The following CIMAP2 variants were observed in gnomAD, a reference collection of about 807,000 sequenced individuals.
CIMAP2 encodes the protein ciliary microtubule-associated protein 2.
At chr1:54,816,899 G>T in the CIMAP2 span, 2 of 1,506,010 alleles carry the variant, frequency 1.3e-6, no homozygotes, top group Admixed American at 1.9e-5. Flanking sequence ...AACAGATGGA[G>T]TAGGGAAGCG....
At chr1:54,818,531 G>A in the CIMAP2 span, among the ~76,000 whole-genome samples, 4 of 151,954 alleles carry the variant, frequency 2.6e-5, no homozygotes, top group Middle Eastern at 3.4e-3. Context: ...GCTGTGGATT[G>A]CTCTTTTCTT....
the CIMAP2 span, chr1:54,814,851 C>T: frequency 6.2e-7 from 1 of 1,607,518 alleles, no homozygotes; most frequent in Admixed American, 1.7e-5. Flanking sequence ...CCTCACCTGC[C>T]CTGGGCCCAG....
At chr1:54,817,286 T>C in the CIMAP2 span, among the ~76,000 whole-genome samples, 2 of 152,234 alleles carry the variant, frequency 1.3e-5, no homozygotes, top group Admixed American at 6.5e-5. Flanking sequence ...GTTCAGATCC[T>C]GGCTCTGCCA....
the CIMAP2 span, among the ~76,000 whole-genome samples, chr1:54,821,180 G>A: frequency 0.1 from 15,526 of 148,490 alleles, 928 homozygotes; most frequent in Admixed American, 0.13. Context: ...TATTCTACAC[G>A]TTGTCTCTTC....
At chr1:54,808,101 C>G in the CIMAP2 span, 1 of 1,386,042 alleles carries the variant, frequency 7.2e-7, no homozygotes, top group Non-Finnish European at 9.6e-7. Context: ...TCCATCCAGC[C>G]AGCCAGCCAG....
At chr1:54,810,673 GA>G in the CIMAP2 span, among the ~76,000 whole-genome samples, 3 of 152,194 alleles carry the variant, frequency 2.0e-5, no homozygotes, top group Non-Finnish European at 2.9e-5. Flanking sequence ...AAAAGGTGCA[GA>G]GCAGCAGAAA....
chr1:54,809,014 G>A, the CIMAP2 span, among the ~76,000 whole-genome samples: 5 of 8,220 alleles, frequency 6.1e-4, no homozygotes, highest in South Asian at 9.2e-3. Context: ...CCCTGAGGGC[G>A]GACCACGTCT....
the CIMAP2 span, chr1:54,841,947 T>C: frequency 7.0e-7 from 1 of 1,438,708 alleles, no homozygotes; most frequent in Admixed American, 2.0e-5. Flanking sequence ...GGTGACAGCA[T>C]GGGCATGGGA....
At chr1:54,841,843 T>C in the CIMAP2 span, 3 of 1,553,928 alleles carry the variant, frequency 1.9e-6, no homozygotes, top group Admixed American at 5.9e-5. Flanking sequence ...GCCCTCCAAC[T>C]GTGGATTACA....
At chr1:54,823,112 T>G in the CIMAP2 span, among the ~76,000 whole-genome samples, 2 of 151,928 alleles carry the variant, frequency 1.3e-5, no homozygotes, top group Non-Finnish European at 2.9e-5. Flanking sequence ...GTAGATTAAG[T>G]CTCATTTTTT....
chr1:54,812,813 G>T, the CIMAP2 span, among the ~76,000 whole-genome samples: 1 of 152,252 alleles, frequency 6.6e-6, no homozygotes, highest in Non-Finnish European at 1.5e-5. Flanking sequence ...ACAGGGGAAA[G>T]CAGCCCTTGC....
the CIMAP2 span, among the ~76,000 whole-genome samples, chr1:54,836,992 C>G: frequency 6.6e-6 from 1 of 151,982 alleles, no homozygotes; most frequent in Admixed American, 6.5e-5. Context: ...TGGAAAATGC[C>G]ACTTGGAAGA....
the CIMAP2 span, among the ~76,000 whole-genome samples, chr1:54,813,001 C>A: frequency 6.6e-6 from 1 of 152,204 alleles, no homozygotes; most frequent in African/African-American, 2.4e-5. Context: ...AGGCCTTCGA[C>A]CTGGCTGCTC....
chr1:54,831,957 C>CT, the CIMAP2 span, among the ~76,000 whole-genome samples: 1 of 152,222 alleles, frequency 6.6e-6, no homozygotes, highest in Admixed American at 6.5e-5. Context: ...AGCAATCCTC[C>CT]CACCTCAGCC....
the CIMAP2 span, among the ~76,000 whole-genome samples, chr1:54,819,763 A>ACCCT: frequency 1.6e-5 from 2 of 122,054 alleles, no homozygotes; most frequent in Middle Eastern, 4.1e-3. Context: ...AGCTTTCCCT[A>ACCCT]CCCTCCCTCC....
chr1:54,806,194 G>A, the CIMAP2 span: 7 of 1,546,520 alleles, frequency 4.5e-6, no homozygotes, highest in African/African-American at 8.4e-5. Context: ...GGTTCACCGG[G>A]GCGCCCTTCG....
the CIMAP2 span, among the ~76,000 whole-genome samples, chr1:54,832,967 C>T: frequency 2.6e-5 from 4 of 152,008 alleles, no homozygotes; most frequent in South Asian, 2.1e-4. Flanking sequence ...GTTGAGGCTG[C>T]GGTGAGCCAT....
At chr1:54,839,234 G>T in the CIMAP2 span, among the ~76,000 whole-genome samples, 149 of 152,214 alleles carry the variant, frequency 9.8e-4, 1 homozygote, top group African/African-American at 3.5e-3. Flanking sequence ...GTGATGTGTG[G>T]GGTGTGTAGA....
chr1:54,811,765 G>GCCGGGGGGGGCGCCCCCCCCC, the CIMAP2 span: 1 of 1,301,328 alleles, frequency 7.7e-7, no homozygotes, highest in Non-Finnish European at 1.1e-6. Context: ...GGTTCTGACA[G>GCCGGGGGGGGCGCCCCCCCCC]CCTCCATGCC....
Sources: gnomAD v4.1 joint callset for allele counts (sites outside exome capture counted in the v4.1 genomes callset) on GRCh38, gnomAD v4.1.1 for gene constraint, MANE v1.5 for transcripts, NCBI Gene and HGNC (gene_info 2026-07-23, HGNC 2026-07-21) for gene names.